Variants in CPXM2 observed in about 807,000 individuals in gnomAD.
CPXM2 encodes the protein carboxypeptidase X, M14 family member 2.
In CPXM2, 66 loss-of-function variants were observed where a neutral mutation model predicts 86.1. That is an observed-to-expected ratio of 0.77 (90% CI 0.63 to 0.94). The LOEUF (loss-of-function observed/expected upper bound fraction) is 0.94. CPXM2 is among the 40% of genes least tolerant of loss of function. The pLI is 0.00. For missense variants in CPXM2, 948 were observed against 1,026.3 expected, an observed-to-expected ratio of 0.92 and a Z score of 1.04; for synonymous variants, 388 against 400.2, an observed-to-expected ratio of 0.97 and a Z score of 0.36.
chr10:123,916,186 T>G (rs1945532491), intron 2 of CPXM2, among the ~76,000 whole-genome samples: 1 of 152,124 alleles, frequency 6.6e-6, no homozygotes, highest in Non-Finnish European at 1.5e-5. Flanking sequence ...ATTATGTTGG[T>G]CATTGGTGAG....
At chr10:123,778,515 C>T (rs996247474) in intron 7 of CPXM2, among the ~76,000 whole-genome samples, 3 of 152,176 alleles carry the variant, frequency 2.0e-5, no homozygotes, top group African/African-American at 4.8e-5. Context: ...TCCCTCTTGG[C>T]TCCAGTAGTG....
At chr10:123,752,116 T>C (rs569893187) in intron 13 of CPXM2, 1 of 985,442 alleles carries the variant, frequency 1.0e-6, no homozygotes, top group Non-Finnish European at 1.2e-6. Flanking sequence ...ATTTGTAATG[T>C]TTAAAATACA....
chr10:123,843,137 A>T, intron 3 of CPXM2: 1 of 308,486 alleles, frequency 3.2e-6, no homozygotes, highest in Non-Finnish European at 6.2e-6. Context: ...TTTTTTTCAG[A>T]GATGGAGTCT....
chr10:123,826,462 A>G (rs1405825793), intron 4 of CPXM2, among the ~76,000 whole-genome samples: 2 of 152,220 alleles, frequency 1.3e-5, no homozygotes, highest in Admixed American at 6.5e-5. Context: ...TAACAATGCA[A>G]AGGTAAACAC....
At chr10:123,906,334 G>A (rs865819751) in intron 2 of CPXM2, among the ~76,000 whole-genome samples, 1 of 152,156 alleles carries the variant, frequency 6.6e-6, no homozygotes. Flanking sequence ...GAAACGCTAC[G>A]TAAATGTCAG....
chr10:123,935,139 C>A (rs915893166), intron 2 of CPXM2, among the ~76,000 whole-genome samples: 1 of 152,138 alleles, frequency 6.6e-6, no homozygotes, highest in Non-Finnish European at 1.5e-5. Context: ...AAAGGCCTGT[C>A]AGAGCCTGCT....
At chr10:123,813,385 C>T (rs996691395) in intron 4 of CPXM2, among the ~76,000 whole-genome samples, 4 of 152,148 alleles carry the variant, frequency 2.6e-5, no homozygotes, top group Admixed American at 2.6e-4. Flanking sequence ...TTTCTCCATA[C>T]CTGGATGCTC....
rs1230398653 is a variant in CPXM2, at chr10:123,885,901, T to C, written c.304+5455A>G. Among the ~76,000 whole-genome samples, 1 of 152,254 alleles carries C rather than the reference T, an allele frequency of 6.6e-6. No individual in the cohort carries two copies. The highest frequency in any genetic ancestry group is 1.5e-5 in the Non-Finnish European group (1 of 68,048). On this transcript the variant is annotated intron_variant, in intron 1 of 13. Coordinates refer to ENST00000241305, the MANE Select transcript of CPXM2 (RefSeq NM_198148.3). This position sits in a 1 kb window ranked among gnomAD's most constrained non-coding sequence, Gnocchi z 4.0. Reference sequence around the variant, plus strand: ...TGAGGCATACAGAAAACACAGTGGCTATTTTTAAGAACCACAGCATGCAGT... The same window carrying C: ...TGAGGCATACAGAAAACACAGTGGCCATTTTTAAGAACCACAGCATGCAGT...
At chr10:123,800,060 T>C (rs1847423837) in intron 4 of CPXM2, among the ~76,000 whole-genome samples, 1 of 148,216 alleles carries the variant, frequency 6.7e-6, no homozygotes, top group Non-Finnish European at 1.5e-5. Flanking sequence ...TAGAAAATTC[T>C]GCCCATTGAA....
At position 123,772,549 on chromosome 10, in the gene CPXM2, G is replaced by T. The variant is rs113970250; in HGVS notation, c.979-1510C>A. 5.0e-3 allele frequency among the ~76,000 whole-genome samples: 761 copies of T among 151,472 alleles called. 5 individuals are homozygous for T. The highest frequency in any genetic ancestry group is 8.8e-3 in the Non-Finnish European group (598 of 67,828). The stretch of plus-strand genomic sequence containing the variant: ...CCCTGGTTGTGGTCATCACCTCCCT[G>T]GTCATGGTTATCACTTCCCTTACTG... On this transcript the variant is annotated intron_variant, in intron 7 of 13. Transcript: ENST00000241305.
chr10:123,820,587 T>C (rs1205231629), intron 4 of CPXM2, among the ~76,000 whole-genome samples: 1 of 152,196 alleles, frequency 6.6e-6, no homozygotes, highest in Non-Finnish European at 1.5e-5. Flanking sequence ...ATAAATACCT[T>C]CTGTATCAGT....
intron 7 of CPXM2, among the ~76,000 whole-genome samples, chr10:123,775,268 G>A (rs748687550): frequency 5.9e-5 from 9 of 152,152 alleles, no homozygotes; most frequent in Non-Finnish European, 1.2e-4. Flanking sequence ...CCATATACTC[G>A]TCCCTGCTGA....
At chr10:123,803,965 A>G (rs1847522767) in intron 4 of CPXM2, among the ~76,000 whole-genome samples, 1 of 152,052 alleles carries the variant, frequency 6.6e-6, no homozygotes, top group African/African-American at 2.4e-5. Context: ...CCAGCCCAAG[A>G]TACATGGTTT....
At chr10:123,756,457 AG>A (rs1236642536) in intron 12 of CPXM2, among the ~76,000 whole-genome samples, 1 of 152,114 alleles carries the variant, frequency 6.6e-6, no homozygotes, top group African/African-American at 2.4e-5. Context: ...GCCCCTCCCC[AG>A]CTGGGCAGCA....
At chr10:123,903,647 C>T (rs114996034) in intron 2 of CPXM2, among the ~76,000 whole-genome samples, 1 of 152,190 alleles carries the variant, frequency 6.6e-6, no homozygotes, top group East Asian at 1.9e-4. Context: ...CCCATGAGAC[C>T]AGGGCATGGT....
At chr10:123,869,497 G>A (rs1944856050) in intron 2 of CPXM2, among the ~76,000 whole-genome samples, 1 of 152,198 alleles carries the variant, frequency 6.6e-6, no homozygotes, top group Admixed American at 6.5e-5. Context: ...TTAGAAATCA[G>A]AGATGTGTCA....
chr10:123,753,505 C>T (rs745632898), intron 13 of CPXM2, among the ~76,000 whole-genome samples: 15 of 152,158 alleles, frequency 9.9e-5, no homozygotes, highest in Non-Finnish European at 1.0e-4. Context: ...GGGTCACTGC[C>T]CTCCTTGAGC....
At chr10:123,925,107 T>A (rs1483704802) in intron 2 of CPXM2, among the ~76,000 whole-genome samples, 1 of 150,904 alleles carries the variant, frequency 6.6e-6, no homozygotes, top group Non-Finnish European at 1.5e-5. Flanking sequence ...TATTTTCAAA[T>A]GATTTATTTA....
intron 2 of CPXM2, among the ~76,000 whole-genome samples, chr10:123,876,274 G>A (rs1944986383): frequency 6.6e-6 from 1 of 152,122 alleles, no homozygotes; most frequent in South Asian, 2.1e-4. Context: ...CACAATATGG[G>A]TACTCAACAA....
Sources: gnomAD v4.1 joint callset for allele counts (sites outside exome capture counted in the v4.1 genomes callset) on GRCh38, gnomAD v4.1.1 for gene constraint, Gnocchi (gnomAD v3.1) non-coding constraint, MANE v1.5 for transcripts, NCBI Gene and HGNC (gene_info 2026-07-23, HGNC 2026-07-21) for gene names.